The following BCKDHB variants were observed in gnomAD, a reference collection of about 807,000 sequenced individuals.
BCKDHB encodes branched chain keto acid dehydrogenase E1 subunit beta.
Under a neutral mutation model 48.5 loss-of-function variants are expected in BCKDHB, and 41 were observed. The observed-to-expected ratio is 0.85, with a 90% CI of 0.66 to 1.10. BCKDHB has a LOEUF of 1.10. BCKDHB is among the 50% of genes least tolerant of loss of function. The probability of loss-of-function intolerance (pLI) is 0.00; values close to 1 mark genes in which losing one functional copy is unlikely to be tolerated. For synonymous variants in BCKDHB, 201 were observed against 174.8 expected, an observed-to-expected ratio of 1.15 and a Z score of -1.18; for missense variants, 496 against 494.2, an observed-to-expected ratio of 1.00 and a Z score of -0.03.
At chr6:80,373,057 A>G in the BCKDHB span, among the ~76,000 whole-genome samples, 13 of 152,108 alleles carry the variant, frequency 8.5e-5, no homozygotes, top group Non-Finnish European at 8.8e-5. Context: ...GATAAAATTC[A>G]TCTGTGAATC....
rs1354522821 is a variant in BCKDHB at position 80,346,020 on chromosome 6, T to A, written c.*2216T>A. The A allele has an allele frequency of 6.6e-6, 1 of 151,264 alleles. No individual in the cohort carries two copies. Among genetic ancestry groups the A allele is most frequent in the Non-Finnish European group, 1.5e-5 (1 of 67,670 alleles). The allele number at this position is 151,264 out of a possible 1,614,324, so 9.4% of individuals were successfully genotyped here. On this transcript the variant is annotated 3_prime_UTR_variant, in exon 10 of 10. Coordinates refer to ENST00000320393, the MANE Select transcript of BCKDHB (RefSeq NM_183050.4). The stretch of plus-strand genomic sequence containing the variant: ...TAGATATGGAAATATTTTTTCTGAA[T>A]TTTTTTTTATATTTCCTCCGACTTA...
intron 3 of BCKDHB, among the ~76,000 whole-genome samples, chr6:80,142,621 C>G (rs1208076302): frequency 6.6e-6 from 1 of 151,972 alleles, no homozygotes; most frequent in African/African-American, 2.4e-5. Context: ...TACTCTGACT[C>G]TCTCTATTCA....
chr6:80,217,818 G>A (rs761205215), intron 8 of BCKDHB, among the ~76,000 whole-genome samples: 3 of 152,312 alleles, frequency 2.0e-5, no homozygotes, highest in African/African-American at 4.8e-5. Flanking sequence ...GAAAAAGTGC[G>A]TGTAGCAAAC....
intron 8 of BCKDHB, among the ~76,000 whole-genome samples, chr6:80,216,199 G>A (rs907193714): frequency 2.0e-5 from 3 of 152,188 alleles, no homozygotes; most frequent in Non-Finnish European, 4.4e-5. Flanking sequence ...TTTGGGGAAG[G>A]TGGAGCAGCT....
intron 8 of BCKDHB, among the ~76,000 whole-genome samples, chr6:80,205,934 C>T (rs764519745): frequency 2.6e-5 from 4 of 151,694 alleles, no homozygotes; most frequent in Non-Finnish European, 5.9e-5. Context: ...TAGTTGGCTA[C>T]ACTTGCTATT....
intron 3 of BCKDHB, among the ~76,000 whole-genome samples, chr6:80,148,865 C>T (rs1232489112): frequency 2.6e-5 from 4 of 151,710 alleles, no homozygotes; most frequent in African/African-American, 9.7e-5. Context: ...CCATAAAAAC[C>T]CTAGAAGAAA....
intron 3 of BCKDHB, among the ~76,000 whole-genome samples, chr6:80,138,876 AC>A (rs1771034607): frequency 6.6e-6 from 1 of 152,346 alleles, no homozygotes; most frequent in South Asian, 2.1e-4. Context: ...AGGAATCGCC[AC>A]ACTGACTTCC....
the BCKDHB span, among the ~76,000 whole-genome samples, chr6:80,421,640 A>C: frequency 2.0e-5 from 3 of 152,220 alleles, no homozygotes; most frequent in African/African-American, 7.2e-5. Context: ...TTATTGGGAA[A>C]TGGAGCAAAT....
At chr6:80,358,282 TA>T in the BCKDHB span, among the ~76,000 whole-genome samples, 2 of 152,204 alleles carry the variant, frequency 1.3e-5, no homozygotes, top group Admixed American at 1.3e-4. Flanking sequence ...GTGTATACAG[TA>T]AATATACACA....
rs183875486 is a variant in BCKDHB, at chr6:80,191,339, T to C, written c.743-9595T>C. ...TGTCCCAGTGACTTTTTCTGTCTCCTCTGCATTTAGGAAGTCAGTGGACAC... is the reference window on the plus strand; with the variant it reads ...TGTCCCAGTGACTTTTTCTGTCTCCCCTGCATTTAGGAAGTCAGTGGACAC... On this transcript the variant is annotated intron_variant, in intron 6 of 9. Coordinates refer to ENST00000320393, the MANE Select transcript of BCKDHB (RefSeq NM_183050.4). Among the ~76,000 whole-genome samples the C allele has an allele frequency of 3.5e-3, 533 of 152,310 alleles. 3 individuals are homozygous for C. The highest frequency in any genetic ancestry group is 0.017 in the East Asian group (89 of 5,182).
intron 6 of BCKDHB, among the ~76,000 whole-genome samples, chr6:80,194,059 T>C (rs1265046468): frequency 1.3e-5 from 2 of 152,180 alleles, no homozygotes; most frequent in Non-Finnish European, 2.9e-5. Context: ...CAAGGAAGTA[T>C]CAATGTATAG....
At chr6:80,113,734 CA>C (rs1161779935) in intron 1 of BCKDHB, among the ~76,000 whole-genome samples, 1 of 152,110 alleles carries the variant, frequency 6.6e-6, no homozygotes, top group Non-Finnish European at 1.5e-5. Context: ...AATGAAGCAA[CA>C]AAAGCCGAGA....
the BCKDHB span, among the ~76,000 whole-genome samples, chr6:80,386,635 AGG>A: frequency 6.6e-6 from 1 of 152,240 alleles, no homozygotes; most frequent in Non-Finnish European, 1.5e-5. Flanking sequence ...CAACCATCAA[AGG>A]CAATGTGGGC....
intron 1 of BCKDHB, among the ~76,000 whole-genome samples, chr6:80,109,145 C>T (rs1769284767): frequency 6.6e-6 from 1 of 152,154 alleles, no homozygotes; most frequent in South Asian, 2.1e-4. Context: ...TAAGTTTGAT[C>T]TTGCCTTGGC....
chr6:80,205,156 A>G (rs1199481728), intron 8 of BCKDHB, among the ~76,000 whole-genome samples: 1 of 151,984 alleles, frequency 6.6e-6, no homozygotes, highest in Non-Finnish European at 1.5e-5. Flanking sequence ...TTTGATACTT[A>G]GCTTTTTCCT....
the BCKDHB span, among the ~76,000 whole-genome samples, chr6:80,388,336 G>T: frequency 6.6e-6 from 1 of 152,148 alleles, no homozygotes; most frequent in African/African-American, 2.4e-5. Context: ...GCCTCCATAG[G>T]TCACAGAGGA....
rs1022643491 is a variant in BCKDHB at position 80,343,988 on chromosome 6, A to G, written c.*184A>G. The G allele has an allele frequency of 2.8e-5, 19 of 685,460 alleles. No individual in the cohort carries two copies. The highest frequency in any genetic ancestry group is 1.1e-4 in the Admixed American group (4 of 37,008). 42.5% of individuals were successfully genotyped at this position (685,460 alleles called of 1,614,324 possible). On this transcript the variant is annotated 3_prime_UTR_variant, in exon 10 of 10. Coordinates refer to ENST00000320393, the MANE Select transcript of BCKDHB (RefSeq NM_183050.4). ...AAAAAAAATTCAAATTTATAGTAGT[A>G]TATTTACATTTTTGTTGTTGTTGTT...
chr6:80,454,018 T>C, the BCKDHB span: 16 of 152,324 alleles, frequency 1.1e-4, no homozygotes, highest in African/African-American at 3.6e-4. Flanking sequence ...CCCTGTGACA[T>C]GAGCATTTGG....
the BCKDHB span, among the ~76,000 whole-genome samples, chr6:80,427,171 C>T: frequency 6.6e-6 from 1 of 151,938 alleles, no homozygotes; most frequent in Non-Finnish European, 1.5e-5. Flanking sequence ...TAGCTTTCTT[C>T]TGCTTAGGCC....
Sources: gnomAD v4.1 joint callset for allele counts (sites outside exome capture counted in the v4.1 genomes callset) on GRCh38, gnomAD v4.1.1 for gene constraint, MANE v1.5 for transcripts, NCBI Gene and HGNC (gene_info 2026-07-23, HGNC 2026-07-21) for gene names.